Variants in TECR observed in about 807,000 individuals in gnomAD.
TECR encodes the protein very-long-chain enoyl-CoA reductase.
TECR carries 19 observed loss-of-function variants against 50.6 expected under a neutral mutation model. The ratio of observed to expected loss-of-function variants is 0.38; its 90% CI spans 0.26 to 0.55. The LOEUF is 0.55. Among genes scored for constraint, TECR ranks in the 20% least tolerant of loss-of-function variants. TECR has a pLI of 0.79. For missense variants in TECR, 313 were observed against 408.3 expected (o/e 0.77, Z 2.01); for synonymous variants, 168 against 163.5 (o/e 1.03, Z -0.21).
intron 1 of TECR, among the ~76,000 whole-genome samples, chr19:14,560,931 G>A (rs567501789): frequency 4.6e-5 from 7 of 152,272 alleles, no homozygotes; most frequent in African/African-American, 9.6e-5. Flanking sequence ...TCAGGGGACC[G>A]TCACAGTCCT....
chr19:14,560,501 C>T (rs929475504), intron 1 of TECR, among the ~76,000 whole-genome samples: 1 of 152,240 alleles, frequency 6.6e-6, no homozygotes, highest in Non-Finnish European at 1.5e-5. Context: ...CGCCCCGTGT[C>T]CTCTGTCCCT....
At chr19:14,545,136 A>G (rs2073256169) in intron 1 of TECR, 1 of 456,696 alleles carries the variant, frequency 2.2e-6, no homozygotes, top group Non-Finnish European at 4.4e-6. Context: ...TCTTCAAGAA[A>G]CCAAAGCAGC....
intron 1 of TECR, among the ~76,000 whole-genome samples, chr19:14,537,938 G>T (rs2072962218): frequency 6.6e-6 from 1 of 152,012 alleles, no homozygotes; most frequent in Non-Finnish European, 1.5e-5. Flanking sequence ...TAGAGATGGG[G>T]TTTCACCATG....
chr19:14,556,434 C>CAAAAACAAA (rs1491415468), intron 1 of TECR, among the ~76,000 whole-genome samples: 49 of 128,726 alleles, frequency 3.8e-4, no homozygotes, highest in Admixed American at 8.6e-4. Context: ...ACAAAAAAAA[C>CAAAAACAAA]CACATTGTGA....
intron 1 of TECR, among the ~76,000 whole-genome samples, chr19:14,536,414 C>T (rs113345030): frequency 0.02 from 2,995 of 151,898 alleles, 82 homozygotes; most frequent in African/African-American, 0.064. Flanking sequence ...GGATTACAGG[C>T]GCCCACCACC....
In TECR at chr19:14,563,444, C is replaced by A; in HGVS notation, c.118+187C>A. 2.4e-6 allele frequency: 2 copies of A among 818,342 alleles called. No individual in the cohort carries two copies. Among genetic ancestry groups the A allele is most frequent in the Non-Finnish European group, 4.0e-6 (2 of 502,326 alleles). The allele number at this position is 818,342 out of a possible 1,614,324, so 50.7% of individuals were successfully genotyped here. A position where few individuals can be genotyped will look rare whatever the true frequency, so the allele number is the denominator to read the frequency against. Reference sequence around the variant, plus strand: ...ACTCCGCAGGAACGCCCTTGCTAGGCTCTGGGAAGGACAAGATCCTGCTTC... The same window carrying A: ...ACTCCGCAGGAACGCCCTTGCTAGGATCTGGGAAGGACAAGATCCTGCTTC... On this transcript the variant is annotated intron_variant, in intron 3 of 12. Coordinates refer to ENST00000215567, the MANE Select transcript of TECR (RefSeq NM_138501.6). This position sits in a 1 kb window ranked among gnomAD's most constrained non-coding sequence, Gnocchi z 5.3.
intron 1 of TECR, among the ~76,000 whole-genome samples, chr19:14,545,556 C>T (rs547896144): frequency 6.6e-6 from 1 of 152,330 alleles, no homozygotes; most frequent in East Asian, 1.9e-4. Flanking sequence ...CATATCCCGG[C>T]CCTTGGATCG....
chr19:14,532,115 ACAGT>A (rs1307524547), intron 1 of TECR: 2 of 152,140 alleles, frequency 1.3e-5, no homozygotes, highest in African/African-American at 4.8e-5. Context: ...TTGCTAGTTA[ACAGT>A]CAGATAAAGT....
In TECR at chr19:14,563,326, C is replaced by G. The variant is rs1053216621; in HGVS notation, c.118+69C>G. ...CCAGGGACCTTAGGGTGGGAGGGAT[C>G]CCATCCTGCACCCCTCTCCCAGGGG... On this transcript the variant is annotated intron_variant, in intron 3 of 12. Coordinates refer to ENST00000215567, the MANE Select transcript of TECR (RefSeq NM_138501.6). This position sits in a 1 kb window ranked among gnomAD's most constrained non-coding sequence, Gnocchi z 5.3. 1.2e-5 allele frequency: 17 copies of G among 1,404,456 alleles called. No individual in the cohort carries two copies. The African/African-American group carries it at 1.6e-4, about 13-fold the overall frequency. 87.0% of individuals were successfully genotyped at this position (1,404,456 alleles called of 1,614,324 possible).
chr19:14,562,276 G>A lies in TECR; in HGVS notation c.16-249G>A, dbSNP rs1425821335. On this transcript the variant is annotated intron_variant, in intron 1 of 12. Coordinates refer to ENST00000215567, the MANE Select transcript of TECR (RefSeq NM_138501.6). ...TCCAGCACCGCGGCAGAATTTGATC[G>A]CGCTTGCCCGGCCCAGGGCTGCTTC... 1.6e-5 allele frequency: 10 copies of A among 608,272 alleles called. No homozygotes were observed. The East Asian group carries it at 2.2e-4, about 13-fold the overall frequency. 37.7% of individuals were successfully genotyped at this position (608,272 alleles called of 1,614,324 possible).
chr19:14,541,783 ATT>A (rs113623037), intron 1 of TECR, among the ~76,000 whole-genome samples: 13 of 134,386 alleles, frequency 9.7e-5, no homozygotes, highest in Admixed American at 7.5e-5. Context: ...ACTTCTTTTC[ATT>A]TTTTTTTTTT....
chr19:14,559,135 A>T (rs1176695531), intron 1 of TECR, among the ~76,000 whole-genome samples: 1 of 152,176 alleles, frequency 6.6e-6, no homozygotes, highest in East Asian at 1.9e-4. Flanking sequence ...TTTGATGGGT[A>T]TGTGGGGCCT....
At chr19:14,530,083 A>G (rs1430903015) in intron 1 of TECR, 1 of 365,530 alleles carries the variant, frequency 2.7e-6, no homozygotes, top group Non-Finnish European at 5.2e-6. Flanking sequence ...ATCTTGCGCC[A>G]CGCCGCCGTC....
chr19:14,537,273 G>T (rs2072936841), intron 1 of TECR, among the ~76,000 whole-genome samples: 1 of 141,070 alleles, frequency 7.1e-6, no homozygotes, highest in Admixed American at 7.1e-5. Context: ...GGACCAGGGA[G>T]GGGGAGGCGG....
chr19:14,563,345 C>G lies in TECR; in HGVS notation c.118+88C>G. 1 of 1,288,078 alleles carries G rather than the reference C, an allele frequency of 7.8e-7. No homozygotes were observed. Among genetic ancestry groups the G allele is most frequent in the Non-Finnish European group, 1.1e-6 (1 of 899,472 alleles). The allele number at this position is 1,288,078 out of a possible 1,614,324, so 79.8% of individuals were successfully genotyped here. A position where few individuals can be genotyped will look rare whatever the true frequency, so the allele number is the denominator to read the frequency against. On this transcript the variant is annotated intron_variant, in intron 3 of 12. Transcript: ENST00000215567. The surrounding 1 kb of genome is among the most constrained non-coding windows in gnomAD (Gnocchi z 5.3). ...AGGGATCCCATCCTGCACCCCTCTCCCAGGGGCCTGCAGAGATGCCCCAGT... is the reference window on the plus strand; with the variant it reads ...AGGGATCCCATCCTGCACCCCTCTCGCAGGGGCCTGCAGAGATGCCCCAGT...
In TECR at chr19:14,534,648, G is replaced by C. The variant is rs191225136; in HGVS notation, c.15+4937G>C. Among the ~76,000 whole-genome samples, 8 of 152,116 alleles carry C rather than the reference G, an allele frequency of 5.3e-5. No individual in the cohort carries two copies. The East Asian group carries it at 1.4e-3, about 26-fold the overall frequency. On this transcript the variant is annotated intron_variant, in intron 1 of 12. Coordinates refer to ENST00000215567, the MANE Select transcript of TECR (RefSeq NM_138501.6). ...ATGGGGTTTCACCATGTTAGTCCAG[G>C]CTGGTCTCGAACTCCTGGGCTCAAG...
intron 1 of TECR, among the ~76,000 whole-genome samples, chr19:14,553,323 G>T (rs1001951729): frequency 1.3e-5 from 2 of 152,140 alleles, no homozygotes; most frequent in Non-Finnish European, 2.9e-5. Context: ...GGCACCTCTC[G>T]TCTTGCCAGC....
intron 1 of TECR, among the ~76,000 whole-genome samples, chr19:14,555,659 T>C (rs2073695661): frequency 6.6e-6 from 1 of 152,068 alleles, no homozygotes; most frequent in Non-Finnish European, 1.5e-5. Context: ...CAGGCTGGTC[T>C]CGAACTCCTG....
At chr19:14,530,655 A>C (rs2072606850) in intron 1 of TECR, 1 of 152,168 alleles carries the variant, frequency 6.6e-6, no homozygotes, top group Admixed American at 6.6e-5. Context: ...CAAAACAGAT[A>C]GGGGAACTCA....
Sources: gnomAD v4.1 joint callset for allele counts (sites outside exome capture counted in the v4.1 genomes callset) on GRCh38, gnomAD v4.1.1 for gene constraint, Gnocchi (gnomAD v3.1) non-coding constraint, MANE v1.5 for transcripts, NCBI Gene and HGNC (gene_info 2026-07-23, HGNC 2026-07-21) for gene names.